The following FBXL13 variants were observed in gnomAD, a reference collection of about 807,000 sequenced individuals.
The protein encoded by FBXL13 is F-box and leucine rich repeat protein 13.
In FBXL13, 67 loss-of-function variants were observed where a neutral mutation model predicts 83.6. The ratio of observed to expected loss-of-function variants is 0.80; its 90% CI spans 0.66 to 0.98. FBXL13 has a LOEUF of 0.98. Ranked by LOEUF, FBXL13 falls within the 50% of genes least tolerant of loss-of-function variation. The pLI is 0.00. For synonymous variants in FBXL13, 272 were observed against 299.5 expected, an observed-to-expected ratio of 0.91 and a Z score of 0.95; for missense variants, 822 against 866.5, an observed-to-expected ratio of 0.95 and a Z score of 0.64.
intron 11 of FBXL13, among the ~76,000 whole-genome samples, chr7:102,885,092 G>T (rs989026405): frequency 1.3e-4 from 20 of 152,202 alleles, no homozygotes; most frequent in Non-Finnish European, 2.9e-4. Flanking sequence ...ATATCTACAC[G>T]CATGTACATC....
chr7:102,848,555 CAAAAAAAAAAAAAAAAAAAAAAAAAAA>C (rs59060531), intron 17 of FBXL13, among the ~76,000 whole-genome samples: 19 of 1,826 alleles, frequency 0.01, no homozygotes, highest in Non-Finnish European at 0.017. Context: ...GACTCCGTCT[CAAAAAAAAAAAAAAAAAAAAAAAAAAA>C]AAAAAAAAAA....
chr7:102,951,990 T>C (rs996339402), intron 8 of FBXL13, among the ~76,000 whole-genome samples: 4 of 152,166 alleles, frequency 2.6e-5, no homozygotes, highest in African/African-American at 7.2e-5. Context: ...ATGTGTTATA[T>C]ACATACAATA....
At chr7:103,047,667 A>G (rs760369305) in intron 2 of FBXL13, among the ~76,000 whole-genome samples, 1 of 152,222 alleles carries the variant, frequency 6.6e-6, no homozygotes, top group Non-Finnish European at 1.5e-5. Context: ...ATACTCAGAC[A>G]TATTAGAATT....
At chr7:103,005,114 A>G (rs1790842869) in intron 6 of FBXL13, among the ~76,000 whole-genome samples, 1 of 152,196 alleles carries the variant, frequency 6.6e-6, no homozygotes, top group African/African-American at 2.4e-5. Context: ...CTTTCTGTCA[A>G]CTACACTTCA....
chr7:102,989,264 C>A (rs777513521), intron 6 of FBXL13, among the ~76,000 whole-genome samples: 19 of 152,204 alleles, frequency 1.2e-4, no homozygotes, highest in Non-Finnish European at 2.1e-4. Context: ...GATAATGAGG[C>A]CGCTTTCTCT....
chr7:103,001,325 T>C (rs796939474), intron 6 of FBXL13, among the ~76,000 whole-genome samples: 3 of 152,172 alleles, frequency 2.0e-5, no homozygotes, highest in Admixed American at 6.5e-5. Flanking sequence ...ATAGGTTTCT[T>C]GTAGGCAGTA....
At chr7:102,970,948 C>A (rs908327885) in intron 6 of FBXL13, among the ~76,000 whole-genome samples, 5 of 152,052 alleles carry the variant, frequency 3.3e-5, no homozygotes, top group Non-Finnish European at 7.4e-5. Flanking sequence ...AGACACATTA[C>A]ATAACATGAA....
At chr7:102,885,101 T>A (rs1810622986) in intron 11 of FBXL13, among the ~76,000 whole-genome samples, 1 of 152,212 alleles carries the variant, frequency 6.6e-6, no homozygotes, top group Admixed American at 6.5e-5. Context: ...CGCATGTACA[T>A]CTATTTGTTT....
Position 102,976,085 on chromosome 7 carries a change from AC to A in FBXL13, c.496-7969del, listed in dbSNP as rs1827398589. ...TGGACTGTGAGCGGCCCCTGCAAGG[AC>A]CACCCCCATCCCTTCCTGAGCCAAT... On this transcript the variant is annotated intron_variant, in intron 6 of 19. Transcript: ENST00000313221. The A allele has an allele frequency of 5.2e-6, 4 of 766,234 alleles. No individual in the cohort carries two copies. The East Asian group carries it at 7.3e-5, about 14-fold the overall frequency. 47.5% of individuals were successfully genotyped at this position (766,234 alleles called of 1,614,324 possible).
intron 16 of FBXL13, among the ~76,000 whole-genome samples, chr7:102,858,629 G>A (rs10267275): frequency 0.72 from 108,772 of 152,094 alleles, 39,134 homozygotes; most frequent in Admixed American, 0.8. Flanking sequence ...TAAATAAAAT[G>A]TTAGGTCCAT....
intron 6 of FBXL13, among the ~76,000 whole-genome samples, chr7:102,974,742 T>C (rs1383540491): frequency 6.6e-6 from 1 of 152,022 alleles, no homozygotes; most frequent in Non-Finnish European, 1.5e-5. Flanking sequence ...CTGCTGTCCA[T>C]TCCTCTCAGC....
intron 16 of FBXL13, chr7:102,874,505 C>T (rs1028104707): frequency 6.6e-6 from 2 of 303,994 alleles, no homozygotes; most frequent in African/African-American, 4.5e-5. Flanking sequence ...ATATATGCTT[C>T]AGAAGAAAAT....
At chr7:103,023,137 G>C (rs567700535) in intron 6 of FBXL13, among the ~76,000 whole-genome samples, 1 of 152,120 alleles carries the variant, frequency 6.6e-6, no homozygotes, top group African/African-American at 2.4e-5. Flanking sequence ...TTAGCCGGGC[G>C]TGGTGGCGGG....
chr7:102,856,319 G>T (rs1273544756), intron 16 of FBXL13, among the ~76,000 whole-genome samples: 4 of 152,172 alleles, frequency 2.6e-5, no homozygotes, highest in Non-Finnish European at 5.9e-5. Context: ...TTCCCCAATA[G>T]AATCCAAATT....
intron 17 of FBXL13, among the ~76,000 whole-genome samples, chr7:102,848,331 C>T (rs1317670005): frequency 1.1e-4 from 5 of 46,570 alleles, no homozygotes; most frequent in African/African-American, 2.6e-4. Flanking sequence ...CCGAGGCGGG[C>T]GGATCACGAG....
chr7:103,014,806 C>T (rs1407156400), intron 6 of FBXL13, among the ~76,000 whole-genome samples: 3 of 151,430 alleles, frequency 2.0e-5, no homozygotes, highest in Non-Finnish European at 4.4e-5. Context: ...GCCTGTAGTC[C>T]CAGCTACTTG....
At chr7:103,041,855 C>T (rs1293362429) in intron 2 of FBXL13, among the ~76,000 whole-genome samples, 1 of 152,196 alleles carries the variant, frequency 6.6e-6, no homozygotes, top group Middle Eastern at 3.2e-3. Flanking sequence ...GACAAACCCA[C>T]AGCCAATATC....
chr7:102,890,365 A>G (rs1025541537), intron 11 of FBXL13, among the ~76,000 whole-genome samples: 3 of 152,164 alleles, frequency 2.0e-5, no homozygotes, highest in African/African-American at 4.8e-5. Flanking sequence ...CCATTTTGAC[A>G]CCAACTGGAG....
chr7:102,893,636 C>T (rs1214038268), intron 11 of FBXL13, among the ~76,000 whole-genome samples: 11 of 151,706 alleles, frequency 7.3e-5, no homozygotes, highest in Admixed American at 2.0e-4. Flanking sequence ...GGTGTGGTGG[C>T]GGGGACCTGT....
Sources: gnomAD v4.1 joint callset for allele counts (sites outside exome capture counted in the v4.1 genomes callset) on GRCh38, gnomAD v4.1.1 for gene constraint, MANE v1.5 for transcripts, NCBI Gene and HGNC (gene_info 2026-07-23, HGNC 2026-07-21) for gene names.